Variants in HUWE1 observed in about 807,000 individuals in gnomAD.
HUWE1 encodes HECT, UBA and WWE domain containing E3 ubiquitin protein ligase 1, also known as E3 ubiquitin-protein ligase HUWE1.
HUWE1 carries 18 observed loss-of-function variants against 299.4 expected under a neutral mutation model. The ratio of observed to expected loss-of-function variants is 0.06; its 90% CI spans 0.04 to 0.09. HUWE1 has a LOEUF of 0.09. Ranked by LOEUF, HUWE1 falls within the 10% of genes least tolerant of loss-of-function variation. HUWE1 has a pLI of 1.00. For missense variants in HUWE1, 1,832 were observed against 3,462.3 expected (o/e 0.53, Z 11.82); for synonymous variants, 1,317 against 1,286.1 (o/e 1.02, Z -0.51).
At chrX:53,625,324 T>G (rs1330688961) in intron 17 of HUWE1, 66 bp from the exon 18 acceptor site, 1 of 725,110 alleles carries the variant, frequency 1.4e-6, no homozygotes, top group African/African-American at 2.1e-5. Context: ...ATCAAGCACA[T>G]AAAACAAAAT....
rs2149060835 is a variant in HUWE1 at position 53,631,319 on chromosome X, A to T, written c.762+95T>A. The T allele has an allele frequency of 5.7e-6, 4 of 707,409 alleles. No homozygotes were observed. In the South Asian group the frequency reaches 9.6e-5, roughly 17 times the overall value. The allele number at this position is 707,409 out of a possible 1,213,427, so 58.3% of individuals were successfully genotyped here. ...CCCATGGTCTGACTCCAAAGCTGAC[A>T]TTCTTTCTGCTATGCAATCTCCCAC... On this transcript the variant is annotated intron_variant, in intron 11 of 83. Transcript: ENST00000262854.
At chrX:53,588,574 A>G (rs1556975648) in intron 36 of HUWE1, 40 bp from the exon 37 acceptor site, 3 of 1,155,884 alleles carry the variant, frequency 2.6e-6, no homozygotes, top group East Asian at 6.1e-5. Context: ...GGAACCGCAG[A>G]GCAAGATGAG....
intron 3 of HUWE1, among the ~76,000 whole-genome samples, chrX:53,663,364 T>G (rs2069100486): frequency 9.0e-6 from 1 of 111,626 alleles, no homozygotes; most frequent in African/African-American, 3.3e-5. Context: ...TACAAAAAAA[T>G]TAGCCGGGTG....
chrX:53,603,384 G>A lies in HUWE1; in HGVS notation c.2860C>T (p.Leu954=), dbSNP rs782323414. 1.7e-6 allele frequency: 2 copies of A among 1,206,883 alleles called. No homozygotes were observed. Among genetic ancestry groups the A allele is most frequent in the African/African-American group, 3.5e-5 (2 of 56,896 alleles). The change falls in exon 27 of 84, where the codon CTG becomes TTG. Residue 954 remains leucine (L), a synonymous_variant. Transcript: ENST00000262854. ...TTCTCTTACCTGTTTGGGGTACACA[G>A]AGAGAGGAGGACAGTGCTTTCCCAC... is the stretch of plus-strand genomic sequence containing the variant. ...LVWESTVLLS[L]CTPNSLPSGC... is the part of the protein sequence containing the mutation.
intron 36 of HUWE1, 23 bp downstream of exon 36, chrX:53,589,524 C>T: frequency 8.3e-7 from 1 of 1,205,582 alleles, no homozygotes; most frequent in South Asian, 1.8e-5. Flanking sequence ...ATACTCCCCT[C>T]TTCTGACCCC....
At chrX:53,645,495 T>C in intron 6 of HUWE1, 32 bp from the exon 7 acceptor site, 1 of 1,198,584 alleles carries the variant, frequency 8.3e-7, no homozygotes, top group Non-Finnish European at 1.1e-6. Flanking sequence ...AAGCTCAAGG[T>C]ATCAGGCACA....
At chrX:53,654,525 C>G (rs1430453270) in intron 3 of HUWE1, among the ~76,000 whole-genome samples, 1 of 111,612 alleles carries the variant, frequency 9.0e-6, no homozygotes, top group Non-Finnish European at 1.9e-5. Context: ...CAAAGAAAGT[C>G]GTAAAGATGT....
At chrX:53,666,518 T>C (rs1041077771) in intron 3 of HUWE1, among the ~76,000 whole-genome samples, 2 of 111,604 alleles carry the variant, frequency 1.8e-5, no homozygotes, top group African/African-American at 6.5e-5. Flanking sequence ...TCCTGCTGGA[T>C]CCATCCATTC....
chrX:53,536,803 G>A, intron 78 of HUWE1, 136 bp from the exon 79 acceptor site: 2 of 557,553 alleles, frequency 3.6e-6, no homozygotes, highest in Non-Finnish European at 5.9e-6. Context: ...GAGAGTGCCA[G>A]GACAGCCCAG....
intron 4 of HUWE1, among the ~76,000 whole-genome samples, chrX:53,653,564 G>A (rs782284305): frequency 8.9e-6 from 1 of 111,735 alleles, no homozygotes; most frequent in African/African-American, 3.2e-5. Flanking sequence ...GTCGACAAAG[G>A]GTTAATTGAT....
intron 75 of HUWE1, among the ~76,000 whole-genome samples, chrX:53,539,320 T>TAAAAAAAAA (rs34154526): frequency 2.5e-3 from 132 of 52,701 alleles, no homozygotes; most frequent in East Asian, 5.3e-3. Context: ...ATTTCTGATT[T>TAAAAAAAAA]AAAAAAAAAA....
chrX:53,626,173 A>G, intron 17 of HUWE1: 2 of 285,491 alleles, frequency 7.0e-6, no homozygotes, highest in South Asian at 6.6e-5. Flanking sequence ...CCCAAAATGA[A>G]AATATATCAC....
At chrX:53,673,378 G>A (rs2069652387) in intron 3 of HUWE1, among the ~76,000 whole-genome samples, 1 of 111,367 alleles carries the variant, frequency 9.0e-6, no homozygotes, top group Non-Finnish European at 1.9e-5. Context: ...TACATCATGA[G>A]ACATCTTGAG....
intron 49 of HUWE1, among the ~76,000 whole-genome samples, chrX:53,566,035 C>T (rs1387081352): frequency 9.5e-6 from 1 of 105,743 alleles, no homozygotes; most frequent in African/African-American, 3.5e-5. Context: ...CAGGTGCCCA[C>T]TAACACCAGA....
Position 53,668,949 on chromosome X carries a change from C to T in HUWE1, c.-25+11100G>A, listed in dbSNP as rs1557048510. On this transcript the variant is annotated intron_variant, in intron 3 of 83. Transcript: ENST00000262854. ...GATTGGGAGGCTCCAGTTTCATTCTCAAATTATACAGTTCTGCAAAAGGTA... is the reference window on the plus strand; with the variant it reads ...GATTGGGAGGCTCCAGTTTCATTCTTAAATTATACAGTTCTGCAAAAGGTA... Among the ~76,000 whole-genome samples the T allele has an allele frequency of 2.7e-5, 3 of 112,227 alleles. No individual in the cohort carries two copies. The Admixed American group carries it at 2.8e-4, about 11-fold the overall frequency.
intron 67 of HUWE1, 33 bp from the exon 68 acceptor site, chrX:53,548,306 G>C (rs1556925229): frequency 2.5e-6 from 3 of 1,198,186 alleles, no homozygotes; most frequent in African/African-American, 1.7e-5. Flanking sequence ...GCTTGGTCTA[G>C]GACGTCTTCA....
At chrX:53,647,054 G>A (rs1163583835) in intron 6 of HUWE1, among the ~76,000 whole-genome samples, 3 of 111,349 alleles carry the variant, frequency 2.7e-5, no homozygotes, top group African/African-American at 9.8e-5. Flanking sequence ...AAGTAATGTG[G>A]GGCTGCTCTA....
intron 4 of HUWE1, among the ~76,000 whole-genome samples, chrX:53,651,794 TTC>T (rs1557040351): frequency 1.8e-5 from 2 of 111,188 alleles, no homozygotes; most frequent in African/African-American, 6.6e-5. Context: ...CAACTCCCCC[TTC>T]TCTCTCCCAC....
intron 7 of HUWE1, among the ~76,000 whole-genome samples, chrX:53,642,071 T>C (rs1467375717): frequency 9.0e-6 from 1 of 111,678 alleles, no homozygotes; most frequent in Non-Finnish European, 1.9e-5. Context: ...TAATATATAC[T>C]ATAATACAAG....
Sources: allele counts gnomAD v4.1 joint callset (sites outside exome capture counted in the v4.1 genomes callset), GRCh38; gene constraint gnomAD v4.1.1; transcripts MANE v1.5; gene names NCBI Gene and HGNC (gene_info 2026-07-23, HGNC 2026-07-21).